Variants in LAPTM4A observed in about 807,000 individuals in gnomAD.
LAPTM4A encodes lysosomal-associated transmembrane protein 4A.
In LAPTM4A, 19 loss-of-function variants were observed where a neutral mutation model predicts 29.9. That is an observed-to-expected ratio of 0.64 (90% CI 0.44 to 0.93). The LOEUF (loss-of-function observed/expected upper bound fraction) is 0.93, where lower values mean the gene tolerates loss of function less well. LAPTM4A is among the 40% of genes least tolerant of loss of function. LAPTM4A has a pLI of 0.00. For synonymous variants in LAPTM4A, 105 were observed against 102.1 expected (o/e 1.03, Z -0.17); for missense variants, 293 against 288.5 (o/e 1.02, Z -0.11).
At chr2:20,047,643 T>C (rs1232474713) in intron 1 of LAPTM4A, among the ~76,000 whole-genome samples, 5 of 147,488 alleles carry the variant, frequency 3.4e-5, no homozygotes, top group Admixed American at 6.9e-5. Context: ...TGAGCCGAGA[T>C]TGCGCCACTG....
In LAPTM4A at chr2:20,037,309, CACTT is replaced by C. The variant is rs768528336; in HGVS notation, c.432+3_432+6del. On this transcript the variant is annotated splice_donor_5th_base_variant and intron_variant, in intron 4 of 6. Transcript: ENST00000175091. ...AAAAAATAAGTTTAATGAGCATACA[CACTT>C]ACTAGTTGATCCAGATATTCTTTGA... 2 of 1,602,488 alleles carry C rather than the reference CACTT, an allele frequency of 1.2e-6. No homozygotes were observed. Among genetic ancestry groups the C allele is most frequent in the Non-Finnish European group, 8.5e-7 (1 of 1,174,786 alleles).
At chr2:20,050,782 G>T (rs754586836) in intron 1 of LAPTM4A, among the ~76,000 whole-genome samples, 20 of 152,196 alleles carry the variant, frequency 1.3e-4, no homozygotes, top group Non-Finnish European at 2.9e-4. Context: ...CACCTACTGC[G>T]CAGGGAGGAG....
intron 2 of LAPTM4A, 87 bp downstream of exon 2, chr2:20,040,804 C>A: frequency 8.2e-7 from 1 of 1,223,040 alleles, no homozygotes; most frequent in Admixed American, 1.9e-5. Context: ...TGACATTTCT[C>A]AGAATGTGTC....
At chr2:20,037,735 T>A in intron 2 of LAPTM4A, 121 bp from the exon 3 acceptor site, 3 of 554,232 alleles carry the variant, frequency 5.4e-6, no homozygotes. Flanking sequence ...TATAAAAAGA[T>A]CTAAGGCCAA....
intron 2 of LAPTM4A, among the ~76,000 whole-genome samples, chr2:20,037,965 T>C (rs1673716573): frequency 6.6e-6 from 1 of 152,104 alleles, no homozygotes; most frequent in African/African-American, 2.4e-5. Context: ...ATCCAATGTG[T>C]CAAGTGCTAC....
intron 1 of LAPTM4A, among the ~76,000 whole-genome samples, chr2:20,048,158 TGTA>T (rs1048243650): frequency 7.9e-5 from 12 of 152,234 alleles, no homozygotes; most frequent in African/African-American, 2.7e-4. Flanking sequence ...AATGTAGTCT[TGTA>T]GTGCACACCA....
chr2:20,034,445 G>T, intron 5 of LAPTM4A, 30 bp from the exon 6 acceptor site: 1 of 1,427,738 alleles, frequency 7.0e-7, no homozygotes, highest in Non-Finnish European at 9.9e-7. Context: ...GTTGACATCT[G>T]CTAGAAACTC....
At chr2:20,045,865 TAAAAC>T (rs905308712) in intron 1 of LAPTM4A, among the ~76,000 whole-genome samples, 6 of 152,270 alleles carry the variant, frequency 3.9e-5, no homozygotes, top group African/African-American at 1.4e-4. Context: ...AGATAATAAT[TAAAAC>T]AGTGTGTCTG....
rs768927745 is a variant in LAPTM4A, at chr2:20,043,211, C to CTTT, written c.112-2203_112-2201dup. Among the ~76,000 whole-genome samples the CTTT allele has an allele frequency of 1.0e-3, 80 of 78,284 alleles. 3 individuals are homozygous for CTTT. Among genetic ancestry groups the CTTT allele is most frequent in the Non-Finnish European group, 1.6e-3 (65 of 40,052 alleles). 51.4% of individuals were successfully genotyped at this position (78,284 alleles called of 152,430 possible). ...CCTCAGCCTCCCAAGTAGCTGGGACCTTTTTTTTTTTTTTTTTTTTTGAGA... is the reference window on the plus strand; with the variant it reads ...CCTCAGCCTCCCAAGTAGCTGGGACCTTTTTTTTTTTTTTTTTTTTTTTTGAGA... On this transcript the variant is annotated intron_variant, in intron 1 of 6. Coordinates refer to ENST00000175091, the MANE Select transcript of LAPTM4A (RefSeq NM_014713.5).
intron 2 of LAPTM4A, among the ~76,000 whole-genome samples, chr2:20,039,954 G>A (rs945956452): frequency 1.3e-5 from 2 of 152,086 alleles, no homozygotes; most frequent in African/African-American, 4.8e-5. Flanking sequence ...GCTGAGGCAG[G>A]AGAATCGCTT....
At chr2:20,043,078 T>A (rs1242288453) in intron 1 of LAPTM4A, among the ~76,000 whole-genome samples, 1 of 63,670 alleles carries the variant, frequency 1.6e-5, no homozygotes, top group Non-Finnish European at 3.9e-5. Context: ...TAGCTGGGAC[T>A]TTTTTTTTTT....
intron 1 of LAPTM4A, among the ~76,000 whole-genome samples, chr2:20,041,303 C>T (rs180988037): frequency 1.3e-5 from 2 of 152,228 alleles, no homozygotes; most frequent in East Asian, 1.9e-4. Flanking sequence ...GGTTCATGTT[C>T]GAAGCTACCT....
At chr2:20,036,717 G>A (rs530922434) in intron 4 of LAPTM4A, among the ~76,000 whole-genome samples, 20 of 151,968 alleles carry the variant, frequency 1.3e-4, no homozygotes, top group Non-Finnish European at 2.2e-4. Flanking sequence ...CCACCTCCAC[G>A]ACGCCCTCCT....
chr2:20,038,567 A>T (rs1673730252), intron 2 of LAPTM4A, among the ~76,000 whole-genome samples: 1 of 152,054 alleles, frequency 6.6e-6, no homozygotes, highest in Non-Finnish European at 1.5e-5. Context: ...CTGGAATTAT[A>T]GGCAAGCACC....
At chr2:20,051,017 C>T (rs1208373219) in intron 1 of LAPTM4A, among the ~76,000 whole-genome samples, 1 of 152,178 alleles carries the variant, frequency 6.6e-6, no homozygotes, top group African/African-American at 2.4e-5. Flanking sequence ...GAAAAAATTC[C>T]AGGGAGCACT....
rs1673599706 is a variant in LAPTM4A at position 20,033,148 on chromosome 2, T to A, written c.*57A>T. The A allele has an allele frequency of 7.2e-7, 1 of 1,382,138 alleles. No homozygotes were observed. Among genetic ancestry groups the A allele is most frequent in the African/African-American group, 1.4e-5 (1 of 70,438 alleles). 85.6% of individuals were successfully genotyped at this position (1,382,138 alleles called of 1,614,324 possible). On this transcript the variant is annotated 3_prime_UTR_variant, in exon 7 of 7. Coordinates refer to ENST00000175091, the MANE Select transcript of LAPTM4A (RefSeq NM_014713.5). Reference sequence around the variant, plus strand: ...TGAAGAGCCCTGAATTGCAGCATTCTGTAACATAAACAAACAAAAAGCTGG... The same window carrying A: ...TGAAGAGCCCTGAATTGCAGCATTCAGTAACATAAACAAACAAAAAGCTGG...
At chr2:20,037,158 T>A (rs914345941) in intron 4 of LAPTM4A, 158 bp downstream of exon 4, 3 of 554,544 alleles carry the variant, frequency 5.4e-6, no homozygotes, top group Admixed American at 7.2e-5. Context: ...CTTGCCAGTT[T>A]TGTCACAGTA....
chr2:20,034,350 A>G lies in LAPTM4A; in HGVS notation c.594T>C (p.Ile198=). ...KYINNRNVPE[I]AVYPAFEAPP... is the part of the protein sequence containing the mutation. ...GTGCTTCAAAGGCAGGGTACACAGC[A>G]ATCTCCGGCACGTTTCGGTTGTTGA... The change falls in exon 6 of 7, where the codon ATT becomes ATC. Residue 198 remains isoleucine (I), a synonymous_variant. Transcript: ENST00000175091. 1 of 1,614,020 alleles carries G rather than the reference A, an allele frequency of 6.2e-7. No homozygotes were observed. The highest frequency in any genetic ancestry group is 2.2e-5 in the East Asian group (1 of 44,880).
chr2:20,044,676 G>A (rs12052278), intron 1 of LAPTM4A, among the ~76,000 whole-genome samples: 21,755 of 152,176 alleles, frequency 0.14, 2,130 homozygotes, highest in East Asian at 0.43. Flanking sequence ...TTTAGTACTA[G>A]AGACACTTCA....
Sources: gnomAD v4.1 joint callset for allele counts (sites outside exome capture counted in the v4.1 genomes callset) on GRCh38, gnomAD v4.1.1 for gene constraint, MANE v1.5 for transcripts, NCBI Gene and HGNC (gene_info 2026-07-23, HGNC 2026-07-21) for gene names.